ASIC2: variants seen among roughly 807,000 people sequenced by gnomAD.
ASIC2 encodes acid sensing ion channel subunit 2, also known as acid-sensing ion channel 2.
A neutral mutation model predicts 57.3 loss-of-function variants in ASIC2; 25 were observed. That is an observed-to-expected ratio of 0.44 (90% CI 0.32 to 0.61). ASIC2 has a LOEUF of 0.61. Among genes scored for constraint, ASIC2 ranks in the 20% least tolerant of loss-of-function variants. The pLI, the probability that ASIC2 is intolerant of heterozygous loss-of-function variation, is 0.06. For synonymous variants in ASIC2, 319 were observed against 307.5 expected (o/e 1.04, Z -0.39); for missense variants, 641 against 738.1 (o/e 0.87, Z 1.52).
Position 33,909,272 on chromosome 17 carries a change from G to T in ASIC2, c.555+246706C>A, listed in dbSNP as rs534289865. Among the ~76,000 whole-genome samples, 5 of 152,290 alleles carry T rather than the reference G, an allele frequency of 3.3e-5. No homozygotes were observed. In the East Asian group the frequency reaches 9.6e-4, roughly 29 times the overall value. On this transcript the variant is annotated intron_variant, in intron 1 of 9. Transcript: ENST00000359872. Reference sequence around the variant, plus strand: ...ATGTAAGGCATTATCCTCTCCCGTTGTTTCTAACAAAATAGCCCAGAACAG... The same window carrying T: ...ATGTAAGGCATTATCCTCTCCCGTTTTTTCTAACAAAATAGCCCAGAACAG...
intron 1 of ASIC2, among the ~76,000 whole-genome samples, chr17:34,026,909 C>G (rs1235458818): frequency 6.6e-6 from 1 of 152,204 alleles, no homozygotes; most frequent in Non-Finnish European, 1.5e-5. Flanking sequence ...AACCTTTCAG[C>G]AACTCCTTTC....
chr17:34,099,109 AG>A (rs879274808), intron 1 of ASIC2, among the ~76,000 whole-genome samples: 14,805 of 47,850 alleles, frequency 0.31, 1,181 homozygotes, highest in South Asian at 0.44. Context: ...GAAAAGAGAG[AG>A]AGAGAGAGAG....
At chr17:33,519,370 C>T (rs1225153631) in intron 1 of ASIC2, among the ~76,000 whole-genome samples, 1 of 152,136 alleles carries the variant, frequency 6.6e-6, no homozygotes, top group Non-Finnish European at 1.5e-5. Context: ...CACTGAGCAC[C>T]CCCTTAAACA....
At chr17:33,709,463 C>T (rs779808375) in intron 1 of ASIC2, among the ~76,000 whole-genome samples, 16 of 152,224 alleles carry the variant, frequency 1.1e-4, no homozygotes, top group East Asian at 5.8e-4. Context: ...AGAGTTGGCT[C>T]ATGCTCTTTC....
intron 1 of ASIC2, among the ~76,000 whole-genome samples, chr17:33,395,433 C>T (rs1212605755): frequency 1.3e-5 from 2 of 152,158 alleles, no homozygotes; most frequent in Non-Finnish European, 2.9e-5. Context: ...GGAAAACTCC[C>T]CCTTATAAAA....
intron 2 of ASIC2, among the ~76,000 whole-genome samples, chr17:33,102,856 T>C (rs2092217376): frequency 6.6e-6 from 1 of 152,208 alleles, no homozygotes; most frequent in Non-Finnish European, 1.5e-5. Flanking sequence ...TGATCTCGGC[T>C]CACTGCAAGC....
chr17:33,534,191 C>T (rs1289344070), intron 1 of ASIC2: 1 of 152,122 alleles, frequency 6.6e-6, no homozygotes, highest in East Asian at 1.9e-4. Flanking sequence ...CACATCATGC[C>T]TTCAGATCAC....
intron 1 of ASIC2, among the ~76,000 whole-genome samples, chr17:33,761,223 T>C (rs1434717258): frequency 6.6e-6 from 1 of 152,218 alleles, no homozygotes; most frequent in Non-Finnish European, 1.5e-5. Context: ...TATTCTCAGA[T>C]GTCACAGTTT....
rs182448856 is a variant in ASIC2, at chr17:33,949,325, C to T, written c.555+206653G>A. On this transcript the variant is annotated intron_variant, in intron 1 of 9. Transcript: ENST00000359872. ...CCTGCTCAGTGCAGATGTCACACTG[C>T]CCCCTAGCTGTTCGCTGGCCATAGA... is the stretch of plus-strand genomic sequence containing the variant. Among the ~76,000 whole-genome samples, 212 of 152,260 alleles carry T rather than the reference C, an allele frequency of 1.4e-3. 2 individuals are homozygous for T. The highest frequency in any genetic ancestry group is 5.0e-3 in the African/African-American group (206 of 41,552).
At chr17:33,675,850 G>C (rs1907803080) in intron 1 of ASIC2, among the ~76,000 whole-genome samples, 1 of 152,198 alleles carries the variant, frequency 6.6e-6, no homozygotes, top group Non-Finnish European at 1.5e-5. Context: ...GGGATTACAG[G>C]TGTAAGCCAG....
At chr17:33,653,309 A>G (rs1597822699) in intron 1 of ASIC2, among the ~76,000 whole-genome samples, 1 of 152,324 alleles carries the variant, frequency 6.6e-6, no homozygotes, top group South Asian at 2.1e-4. Flanking sequence ...TTACAATAGC[A>G]TCATCCCACC....
At chr17:34,072,988 A>G (rs1255379487) in intron 1 of ASIC2, among the ~76,000 whole-genome samples, 2 of 152,238 alleles carry the variant, frequency 1.3e-5, no homozygotes, top group Non-Finnish European at 2.9e-5. Context: ...AAAAATATAC[A>G]TGGAAAACCA....
rs1910387636 is a variant in ASIC2 at position 33,750,275 on chromosome 17, C to T, written c.555+405703G>A. On this transcript the variant is annotated intron_variant, in intron 1 of 9. Transcript: ENST00000359872. Reference sequence around the variant, plus strand: ...TATCCAGGACCCTGGGCAACCCCTTCCTCTTTCCTGGACTTTGGTTCCTCA... The same window carrying T: ...TATCCAGGACCCTGGGCAACCCCTTTCTCTTTCCTGGACTTTGGTTCCTCA... Among the ~76,000 whole-genome samples, 4 of 152,254 alleles carry T rather than the reference C, an allele frequency of 2.6e-5. No individual in the cohort carries two copies. In the South Asian group the frequency reaches 8.3e-4, roughly 32 times the overall value.
rs986440594 is a variant in ASIC2, at chr17:33,706,197, T to C, written c.555+449781A>G. ...GTGTGTGTGTGTATGACTATACATA[T>C]ATGATTCATATATATATATATATAT... On this transcript the variant is annotated intron_variant, in intron 1 of 9. Transcript: ENST00000359872. 4.6e-5 allele frequency among the ~76,000 whole-genome samples: 5 copies of C among 109,600 alleles called. No individual in the cohort carries two copies. In the East Asian group the frequency reaches 9.9e-4, roughly 22 times the overall value. The allele number at this position is 109,600 out of a possible 152,430, so 71.9% of individuals were successfully genotyped here.
intron 1 of ASIC2, among the ~76,000 whole-genome samples, chr17:33,940,258 A>T (rs1015127741): frequency 1.3e-5 from 2 of 151,760 alleles, no homozygotes; most frequent in Admixed American, 6.6e-5. Context: ...AGACTGGTTC[A>T]CTCCATGATT....
At chr17:33,862,719 T>C (rs1914129197) in intron 1 of ASIC2, among the ~76,000 whole-genome samples, 1 of 152,160 alleles carries the variant, frequency 6.6e-6, no homozygotes, top group Admixed American at 6.6e-5. Flanking sequence ...TGAGTTTCCC[T>C]CCCCATGCAC....
chr17:33,801,859 G>A (rs989272962), intron 1 of ASIC2, among the ~76,000 whole-genome samples: 21 of 152,160 alleles, frequency 1.4e-4, no homozygotes, highest in African/African-American at 4.8e-4. Context: ...TACTGTACCG[G>A]ACAGCACAGA....
intron 1 of ASIC2, among the ~76,000 whole-genome samples, chr17:33,799,403 TTTTCTTTCTTTCTTTCTTTCTTTCTTC>T (rs1912032190): frequency 0.01 from 525 of 51,350 alleles, 8 homozygotes; most frequent in African/African-American, 0.028. Flanking sequence ...TCTTTCTTTC[TTTTCTTTCTTTCTTTCTTTCTTTCTTC>T]TTTCTTTCTT....
intron 1 of ASIC2, among the ~76,000 whole-genome samples, chr17:33,215,218 A>G (rs1907429695): frequency 6.6e-6 from 1 of 152,230 alleles, no homozygotes; most frequent in African/African-American, 2.4e-5. Flanking sequence ...TAAAATGGGG[A>G]TTCTCATACG....
Sources: allele counts gnomAD v4.1 joint callset (sites outside exome capture counted in the v4.1 genomes callset), GRCh38; gene constraint gnomAD v4.1.1; transcripts MANE v1.5; gene names NCBI Gene and HGNC (gene_info 2026-07-23, HGNC 2026-07-21).